The following ARID1B variants were observed in gnomAD, a reference collection of about 807,000 sequenced individuals.
The protein encoded by ARID1B is AT-rich interaction domain 1B.
ARID1B carries 30 observed loss-of-function variants against 212.3 expected under a neutral mutation model. The observed-to-expected ratio is 0.14, with a 90% CI of 0.11 to 0.19. ARID1B has a LOEUF of 0.19. Ranked by LOEUF, ARID1B falls within the 10% of genes least tolerant of loss-of-function variation. The probability of loss-of-function intolerance (pLI) is 1.00; values close to 1 mark genes in which losing one functional copy is unlikely to be tolerated. For synonymous variants in ARID1B, 1,402 were observed against 1,301.7 expected, an observed-to-expected ratio of 1.08 and a Z score of -1.66; for missense variants, 2,891 against 3,204.0, an observed-to-expected ratio of 0.90 and a Z score of 2.36.
At chr6:156,811,625 G>A (rs1202101488) in intron 1 of ARID1B, among the ~76,000 whole-genome samples, 1 of 152,172 alleles carries the variant, frequency 6.6e-6, no homozygotes, top group African/African-American at 2.4e-5. Context: ...GAGAGAGGAT[G>A]CAAGAGCCTG....
In ARID1B at chr6:156,967,794, G is replaced by A. The variant is rs116534461; in HGVS notation, c.2247+32218G>A. ...GTAGACTTATATTTGAAACATAGAT[G>A]CTGTATGAACCTCCTTTTGGGGGTT... On this transcript the variant is annotated intron_variant, in intron 4 of 19. Transcript: ENST00000636930. Among the ~76,000 whole-genome samples the A allele has an allele frequency of 8.3e-3, 1,264 of 152,220 alleles. 20 individuals carry two copies. Among genetic ancestry groups the A allele is most frequent in the African/African-American group, 0.029 (1,212 of 41,542 alleles).
chr6:156,860,012 T>C (rs1334358200), intron 2 of ARID1B, among the ~76,000 whole-genome samples: 1 of 152,242 alleles, frequency 6.6e-6, no homozygotes, highest in Non-Finnish European at 1.5e-5. Flanking sequence ...TTTGAGAATC[T>C]GATAAACCAT....
At chr6:156,861,244 C>A (rs993787742) in intron 2 of ARID1B, among the ~76,000 whole-genome samples, 1 of 152,138 alleles carries the variant, frequency 6.6e-6, no homozygotes, top group Non-Finnish European at 1.5e-5. Context: ...GCTTTATAAT[C>A]CTAGACTGGC....
At chr6:157,028,606 C>A (rs1319064180) in intron 4 of ARID1B, among the ~76,000 whole-genome samples, 1 of 152,070 alleles carries the variant, frequency 6.6e-6, no homozygotes, top group East Asian at 1.9e-4. Context: ...TTGATAAACG[C>A]TGGAAGTATG....
chr6:156,920,477 A>T (rs1790693322), intron 3 of ARID1B, among the ~76,000 whole-genome samples: 1 of 152,202 alleles, frequency 6.6e-6, no homozygotes, highest in African/African-American at 2.4e-5. Flanking sequence ...GAAATAAAAC[A>T]TAATTTATAC....
At chr6:156,831,232 C>T (rs1422099237) in intron 2 of ARID1B, among the ~76,000 whole-genome samples, 3 of 152,190 alleles carry the variant, frequency 2.0e-5, no homozygotes, top group Non-Finnish European at 2.9e-5. Flanking sequence ...AAGTCCCCAT[C>T]GCACTCTGTT....
chr6:157,199,224 G>A (rs1793941404), intron 17 of ARID1B, among the ~76,000 whole-genome samples: 1 of 152,202 alleles, frequency 6.6e-6, no homozygotes, highest in East Asian at 1.9e-4. Context: ...TGTGCATACT[G>A]TTGTATCAGA....
At chr6:157,021,687 T>C (rs1780285941) in intron 4 of ARID1B, among the ~76,000 whole-genome samples, 1 of 152,186 alleles carries the variant, frequency 6.6e-6, no homozygotes, top group Admixed American at 6.5e-5. Flanking sequence ...CACATTCCTT[T>C]CCGGGCAAGC....
intron 4 of ARID1B, chr6:156,940,186 C>T (rs1366667456): frequency 6.6e-6 from 1 of 152,130 alleles, no homozygotes; most frequent in Non-Finnish European, 1.5e-5. Context: ...CAGTCATACT[C>T]TAAGAGCGTT....
chr6:156,848,662 A>C (rs1784384791), intron 2 of ARID1B, among the ~76,000 whole-genome samples: 2 of 152,152 alleles, frequency 1.3e-5, no homozygotes, highest in Admixed American at 1.3e-4. Context: ...CCTGATCCTC[A>C]GGCCCCTTTA....
chr6:157,041,726 A>G lies in ARID1B; in HGVS notation c.2248-42936A>G, dbSNP rs1027668983. Among the ~76,000 whole-genome samples the G allele has an allele frequency of 6.6e-5, 10 of 152,312 alleles. No individual in the cohort carries two copies. In the South Asian group the frequency reaches 1.5e-3, roughly 22 times the overall value. Reference sequence around the variant, plus strand: ...CAGTAACAGAACTGGGATTTGCACCAGCAGTGTCAGCCCCAGCACCTTCTC... The same window carrying G: ...CAGTAACAGAACTGGGATTTGCACCGGCAGTGTCAGCCCCAGCACCTTCTC... On this transcript the variant is annotated intron_variant, in intron 4 of 19. Coordinates refer to ENST00000636930, the MANE Select transcript of ARID1B (RefSeq NM_001374828.1).
At chr6:157,007,607 T>C (rs1255065862) in intron 4 of ARID1B, among the ~76,000 whole-genome samples, 1 of 152,170 alleles carries the variant, frequency 6.6e-6, no homozygotes. Context: ...TAGAGAATTA[T>C]AAGAAATGAG....
intron 2 of ARID1B, among the ~76,000 whole-genome samples, chr6:156,856,417 A>G (rs986179390): frequency 6.6e-6 from 1 of 152,108 alleles, no homozygotes; most frequent in Non-Finnish European, 1.5e-5. Context: ...ACTTCTTAGG[A>G]ATTCTAAGAT....
intron 4 of ARID1B, among the ~76,000 whole-genome samples, chr6:157,041,941 G>T (rs9480422): frequency 2.6e-5 from 4 of 152,052 alleles, no homozygotes; most frequent in Non-Finnish European, 5.9e-5. Flanking sequence ...GCCTCCTTGC[G>T]CATTTGACCT....
At chr6:157,184,190 A>G (rs368163994) in intron 12 of ARID1B, 41 bp from the exon 13 acceptor site, 3 of 1,550,734 alleles carry the variant, frequency 1.9e-6, no homozygotes, top group Non-Finnish European at 2.6e-6. Context: ...TAAACAAGCC[A>G]CTTTGTTGCA....
At chr6:157,117,089 A>C (rs1046819012) in intron 6 of ARID1B, among the ~76,000 whole-genome samples, 1 of 152,194 alleles carries the variant, frequency 6.6e-6, no homozygotes, top group Non-Finnish European at 1.5e-5. Context: ...AGGAATATTT[A>C]TCAGTAGCTA....
chr6:157,062,691 A>T (rs1021768313), intron 4 of ARID1B, among the ~76,000 whole-genome samples: 1 of 142,688 alleles, frequency 7.0e-6, no homozygotes, highest in Non-Finnish European at 1.5e-5. Context: ...TATGTTTTAA[A>T]ATATATATAT....
chr6:157,150,355 C>G (rs1368338114), intron 8 of ARID1B: 1 of 152,108 alleles, frequency 6.6e-6, no homozygotes, highest in African/African-American at 2.4e-5. Context: ...CCATGCATTG[C>G]CATTTTCCGT....
intron 4 of ARID1B, 165 bp downstream of exon 4, chr6:156,935,741 G>A: frequency 1.7e-6 from 1 of 588,170 alleles, no homozygotes; most frequent in Non-Finnish European, 3.0e-6. Flanking sequence ...TAGGAGCTCT[G>A]TAGTCCTGGA....
Sources: gnomAD v4.1 joint callset for allele counts (sites outside exome capture counted in the v4.1 genomes callset) on GRCh38, gnomAD v4.1.1 for gene constraint, MANE v1.5 for transcripts, NCBI Gene and HGNC (gene_info 2026-07-23, HGNC 2026-07-21) for gene names.